VDAC1: variants seen among roughly 807,000 people sequenced by gnomAD.
VDAC1 encodes the protein non-selective voltage-gated ion channel VDAC1.
Under a neutral mutation model 34.7 loss-of-function variants are expected in VDAC1, and 10 were observed. That is an observed-to-expected ratio of 0.29 (90% CI 0.18 to 0.49). The LOEUF (loss-of-function observed/expected upper bound fraction) is 0.49, where lower values mean the gene tolerates loss of function less well. Ranked by LOEUF, VDAC1 falls within the 20% of genes least tolerant of loss-of-function variation. The pLI is 0.99. For missense variants in VDAC1, 230 were observed against 347.9 expected (o/e 0.66, Z 2.69); for synonymous variants, 130 against 136.0 (o/e 0.96, Z 0.30).
chr5:133,983,530 T>A (rs1392762563), intron 5 of VDAC1, among the ~76,000 whole-genome samples: 4 of 152,152 alleles, frequency 2.6e-5, no homozygotes, highest in Admixed American at 6.6e-5. Flanking sequence ...TATATTTTTG[T>A]ATGTTTCAGA....
chr5:134,092,294 A>C, the VDAC1 span, among the ~76,000 whole-genome samples: 1 of 152,180 alleles, frequency 6.6e-6, no homozygotes, highest in Non-Finnish European at 1.5e-5. Flanking sequence ...TAATTTCCTA[A>C]AGACTTCAAT....
At chr5:134,091,225 G>A in the VDAC1 span, among the ~76,000 whole-genome samples, 1 of 152,212 alleles carries the variant, frequency 6.6e-6, no homozygotes, top group Non-Finnish European at 1.5e-5. Flanking sequence ...AACTTTTCAT[G>A]AAGATCAAGA....
chr5:134,081,964 T>C, the VDAC1 span: 1 of 162,820 alleles, frequency 6.1e-6, no homozygotes, highest in South Asian at 1.7e-4. Context: ...TTTAGCCAGG[T>C]TTGGTGCATC....
chr5:134,057,122 A>C, the VDAC1 span, among the ~76,000 whole-genome samples: 1 of 152,008 alleles, frequency 6.6e-6, no homozygotes, highest in Non-Finnish European at 1.5e-5. Context: ...ATCACCTGAC[A>C]TCAGGAGTTC....
chr5:133,972,911 G>A, intron 8 of VDAC1, 49 bp from the exon 9 acceptor site: 2 of 1,480,250 alleles, frequency 1.4e-6, no homozygotes, highest in Non-Finnish European at 1.9e-6. Context: ...ATGGAGGAAA[G>A]AAATGACAAG....
the VDAC1 span, among the ~76,000 whole-genome samples, chr5:134,063,654 C>T: frequency 4.0e-4 from 61 of 152,210 alleles, no homozygotes; most frequent in Admixed American, 2.6e-4. Context: ...CTGCTAGACA[C>T]GTGAGGGAGG....
the VDAC1 span, among the ~76,000 whole-genome samples, chr5:134,091,552 A>C: frequency 6.6e-6 from 1 of 152,204 alleles, no homozygotes; most frequent in Non-Finnish European, 1.5e-5. Context: ...CACAATGAGC[A>C]AGAAAAGCAC....
At chr5:134,056,658 C>A in the VDAC1 span, among the ~76,000 whole-genome samples, 1 of 152,034 alleles carries the variant, frequency 6.6e-6, no homozygotes, top group African/African-American at 2.4e-5. Flanking sequence ...CTTGGGATTG[C>A]AAAATGTTTT....
chr5:133,978,679 C>G (rs1752572873), intron 6 of VDAC1, among the ~76,000 whole-genome samples: 1 of 152,134 alleles, frequency 6.6e-6, no homozygotes, highest in Non-Finnish European at 1.5e-5. Context: ...TATCCTAAAA[C>G]CAGGAACACA....
At chr5:134,070,512 T>C in the VDAC1 span, among the ~76,000 whole-genome samples, 1 of 152,184 alleles carries the variant, frequency 6.6e-6, no homozygotes, top group African/African-American at 2.4e-5. Context: ...GTATTAAACA[T>C]TTCAGAAACG....
At chr5:134,058,357 A>C in the VDAC1 span, among the ~76,000 whole-genome samples, 1 of 151,276 alleles carries the variant, frequency 6.6e-6, no homozygotes, top group Non-Finnish European at 1.5e-5. Flanking sequence ...TCTGTCGCCC[A>C]GGCTGGAGTG....
At chr5:133,987,901 T>C (rs1367673967) in intron 5 of VDAC1, among the ~76,000 whole-genome samples, 4 of 152,166 alleles carry the variant, frequency 2.6e-5, no homozygotes, top group African/African-American at 4.8e-5. Flanking sequence ...GAGAAGAATA[T>C]AACACAACAA....
At chr5:134,092,259 A>G in the VDAC1 span, among the ~76,000 whole-genome samples, 2 of 152,238 alleles carry the variant, frequency 1.3e-5, no homozygotes, top group Admixed American at 1.3e-4. Context: ...TAATTCAAAC[A>G]TGTCTGAAAA....
At chr5:133,985,384 A>G (rs1014765587) in intron 5 of VDAC1, among the ~76,000 whole-genome samples, 3 of 152,194 alleles carry the variant, frequency 2.0e-5, no homozygotes, top group African/African-American at 4.8e-5. Flanking sequence ...AAAACTGGTC[A>G]GGCGTAGTGG....
At chr5:134,048,278 C>T in the VDAC1 span, among the ~76,000 whole-genome samples, 9,865 of 144,548 alleles carry the variant, frequency 0.068, 564 homozygotes, top group African/African-American at 0.17. Flanking sequence ...TTTTTTTTTT[C>T]TCTCTTTTGA....
the VDAC1 span, among the ~76,000 whole-genome samples, chr5:134,090,325 T>C: frequency 1.3e-5 from 2 of 152,208 alleles, no homozygotes; most frequent in Admixed American, 6.5e-5. Context: ...ACCACACCAA[T>C]TAGCCTTGAT....
the VDAC1 span, among the ~76,000 whole-genome samples, chr5:134,045,168 A>G: frequency 6.6e-6 from 1 of 152,250 alleles, no homozygotes; most frequent in African/African-American, 2.4e-5. Flanking sequence ...AGATTCCCAA[A>G]GAAAGTCCAC....
At position 133,977,793 on chromosome 5, in the gene VDAC1, G is replaced by T. The variant is rs572045822; in HGVS notation, c.552-1772C>A. On this transcript the variant is annotated intron_variant, in intron 6 of 8. Transcript: ENST00000265333. ...GCCACTGCGGAGCTGGGATGAGCAG[G>T]CTGAGGCAGGCTGGAATCACTGCTT... Among the ~76,000 whole-genome samples, 9 of 152,290 alleles carry T rather than the reference G, an allele frequency of 5.9e-5. No individual in the cohort carries two copies. The East Asian group carries it at 1.7e-3, about 29-fold the overall frequency.
At chr5:134,059,969 C>T in the VDAC1 span, among the ~76,000 whole-genome samples, 1 of 151,780 alleles carries the variant, frequency 6.6e-6, no homozygotes, top group Admixed American at 6.6e-5. Context: ...CACCCACCCC[C>T]AGGACTCTGA....
Sources: allele counts gnomAD v4.1 joint callset (sites outside exome capture counted in the v4.1 genomes callset), GRCh38; gene constraint gnomAD v4.1.1; transcripts MANE v1.5; gene names NCBI Gene and HGNC (gene_info 2026-07-23, HGNC 2026-07-21).